EBF1: variants seen among roughly 807,000 people sequenced by gnomAD.
EBF1 encodes EBF transcription factor 1.
In EBF1, 10 loss-of-function variants were observed where a neutral mutation model predicts 68.4. That is an observed-to-expected ratio of 0.15 (90% CI 0.09 to 0.25). The LOEUF (loss-of-function observed/expected upper bound fraction) is 0.25. EBF1 is among the 10% of genes least tolerant of loss of function. EBF1 has a pLI of 1.00. For synonymous variants in EBF1, 298 were observed against 299.8 expected (o/e 0.99, Z 0.06); for missense variants, 509 against 794.4 (o/e 0.64, Z 4.32).
At chr5:159,015,907 A>G (rs919267143) in intron 6 of EBF1, among the ~76,000 whole-genome samples, 2 of 152,266 alleles carry the variant, frequency 1.3e-5, no homozygotes, top group Non-Finnish European at 2.9e-5. Flanking sequence ...ATAAAACACC[A>G]CACATGTGGA....
intron 6 of EBF1, among the ~76,000 whole-genome samples, chr5:158,962,279 C>T (rs1182583222): frequency 6.6e-6 from 1 of 152,076 alleles, no homozygotes; most frequent in Non-Finnish European, 1.5e-5. Flanking sequence ...ACAAAACAAA[C>T]AATCACATTA....
At chr5:158,729,819 A>G (rs1485127425) in intron 11 of EBF1, among the ~76,000 whole-genome samples, 1 of 152,210 alleles carries the variant, frequency 6.6e-6, no homozygotes, top group Non-Finnish European at 1.5e-5. Context: ...AAGATGCAGG[A>G]CACAGGCCCT....
intron 9 of EBF1, among the ~76,000 whole-genome samples, chr5:158,783,246 G>A (rs577499404): frequency 1.4e-4 from 21 of 152,136 alleles, no homozygotes; most frequent in African/African-American, 4.6e-4. Flanking sequence ...TACATATAAA[G>A]CCATTATTTT....
Position 159,060,214 on chromosome 5 carries a change from A to G in EBF1, c.554+13182T>C, listed in dbSNP as rs191741415. Among the ~76,000 whole-genome samples the G allele has an allele frequency of 1.0e-3, 157 of 152,322 alleles. 2 individuals carry two copies. Among genetic ancestry groups the G allele is most frequent in the African/African-American group, 3.6e-3 (148 of 41,580 alleles). On this transcript the variant is annotated intron_variant, in intron 6 of 15. Coordinates refer to ENST00000313708, the MANE Select transcript of EBF1 (RefSeq NM_024007.5). ...TAAAAATAAAAATAATTAAAAACAT[A>G]TATACCAGTGCTCAGCTTAATGAAA... is the stretch of plus-strand genomic sequence containing the variant.
chr5:158,763,725 CA>C (rs1024194883), intron 10 of EBF1, among the ~76,000 whole-genome samples: 1 of 152,170 alleles, frequency 6.6e-6, no homozygotes, highest in African/African-American at 2.4e-5. Flanking sequence ...GATTGATTTT[CA>C]TATACATTCA....
chr5:158,788,259 T>C (rs900849559), intron 9 of EBF1, among the ~76,000 whole-genome samples: 3 of 152,114 alleles, frequency 2.0e-5, no homozygotes, highest in Admixed American at 1.3e-4. Context: ...AGAGAAAATA[T>C]TCTATACCTG....
chr5:158,730,919 CTT>C, intron 11 of EBF1, 148 bp downstream of exon 11: 1 of 651,136 alleles, frequency 1.5e-6, no homozygotes, highest in Non-Finnish European at 2.6e-6. Context: ...GTGCTTGCTA[CTT>C]TTATTATTGC....
chr5:158,710,606 TG>T (rs1371766449), intron 14 of EBF1, among the ~76,000 whole-genome samples: 14 of 152,210 alleles, frequency 9.2e-5, no homozygotes, highest in African/African-American at 3.4e-4. Context: ...AACAAACTGC[TG>T]ATTCCAAACT....
intron 6 of EBF1, among the ~76,000 whole-genome samples, chr5:158,966,272 C>T (rs968800550): frequency 5.9e-5 from 9 of 152,172 alleles, no homozygotes; most frequent in East Asian, 1.9e-4. Flanking sequence ...CAAGTAACAG[C>T]GGTTTTAAAA....
At chr5:158,778,424 C>T (rs1244570487) in intron 9 of EBF1, among the ~76,000 whole-genome samples, 1 of 152,134 alleles carries the variant, frequency 6.6e-6, no homozygotes, top group Non-Finnish European at 1.5e-5. Flanking sequence ...ATTGTCTACT[C>T]TTTGACTCCT....
chr5:158,776,030 T>C (rs999242715), intron 10 of EBF1, among the ~76,000 whole-genome samples: 3 of 152,260 alleles, frequency 2.0e-5, no homozygotes, highest in South Asian at 2.1e-4. Context: ...CCAGAAAGAC[T>C]ATTATTTTTT....
At chr5:158,775,814 AC>A (rs1775095712) in intron 10 of EBF1, among the ~76,000 whole-genome samples, 5 of 150,312 alleles carry the variant, frequency 3.3e-5, no homozygotes, top group Non-Finnish European at 5.9e-5. Context: ...ACACACACAC[AC>A]ACACACACAC....
At chr5:158,732,405 A>T (rs1764285148) in intron 10 of EBF1, among the ~76,000 whole-genome samples, 1 of 152,212 alleles carries the variant, frequency 6.6e-6, no homozygotes, top group South Asian at 2.1e-4. Flanking sequence ...ACTTTTCAAA[A>T]TACAGGTATG....
intron 7 of EBF1, among the ~76,000 whole-genome samples, chr5:158,828,968 G>A (rs770066540): frequency 6.6e-6 from 1 of 152,142 alleles, no homozygotes; most frequent in Non-Finnish European, 1.5e-5. Flanking sequence ...CCAACTATAC[G>A]ATATTCTGGA....
intron 6 of EBF1, among the ~76,000 whole-genome samples, chr5:158,863,838 C>T (rs959201138): frequency 2.0e-5 from 3 of 152,028 alleles, no homozygotes; most frequent in Non-Finnish European, 4.4e-5. Context: ...ACATATTTTA[C>T]GTAAATGATG....
At chr5:159,045,486 T>C (rs1417377096) in intron 6 of EBF1, among the ~76,000 whole-genome samples, 1 of 152,076 alleles carries the variant, frequency 6.6e-6, no homozygotes, top group Non-Finnish European at 1.5e-5. Flanking sequence ...TTACAATTCA[T>C]TGCATTAAAA....
intron 13 of EBF1, 44 bp downstream of exon 13, chr5:158,712,926 G>A (rs1759749881): frequency 2.9e-6 from 4 of 1,392,468 alleles, no homozygotes; most frequent in Non-Finnish European, 3.8e-6. Context: ...TGAGGAGATG[G>A]GGTGCTTAAG....
intron 9 of EBF1, among the ~76,000 whole-genome samples, chr5:158,787,297 T>C (rs1258501433): frequency 6.6e-6 from 1 of 152,178 alleles, no homozygotes; most frequent in Non-Finnish European, 1.5e-5. Flanking sequence ...TTTTCGGCTT[T>C]CCATTTCTTC....
At position 158,697,762 on chromosome 5, in the gene EBF1, A is replaced by G. The variant is rs1004239132; in HGVS notation, c.*1349T>C. 9.6e-6 allele frequency: 2 copies of G among 208,942 alleles called. No homozygotes were observed. The highest frequency in any genetic ancestry group is 1.9e-5 in the Non-Finnish European group (2 of 102,766). 12.9% of individuals were successfully genotyped at this position (208,942 alleles called of 1,614,324 possible). The stretch of plus-strand genomic sequence containing the variant: ...CAACTTTGGCAAAAAATCACAAAAA[A>G]AAAATCTACAGTATTTATAACTACA... On this transcript the variant is annotated 3_prime_UTR_variant, in exon 16 of 16. Coordinates refer to ENST00000313708, the MANE Select transcript of EBF1 (RefSeq NM_024007.5).
Sources: allele counts gnomAD v4.1 joint callset (sites outside exome capture counted in the v4.1 genomes callset), GRCh38; gene constraint gnomAD v4.1.1; transcripts MANE v1.5; gene names NCBI Gene and HGNC (gene_info 2026-07-23, HGNC 2026-07-21).